SLC25A26: variants seen among roughly 807,000 people sequenced by gnomAD.
SLC25A26 encodes the protein solute carrier family 25 member 26, also known as mitochondrial S-adenosylmethionine carrier protein.
SLC25A26 carries 36 observed loss-of-function variants against 37.8 expected under a neutral mutation model. The ratio of observed to expected loss-of-function variants is 0.95; its 90% CI spans 0.73 to 1.26. The LOEUF (loss-of-function observed/expected upper bound fraction) is 1.26. Among genes scored for constraint, SLC25A26 ranks in the 50% most tolerant of loss-of-function variants. SLC25A26 has a pLI of 0.00. For synonymous variants in SLC25A26, 129 were observed against 122.5 expected, an observed-to-expected ratio of 1.05 and a Z score of -0.35; for missense variants, 390 against 331.1, an observed-to-expected ratio of 1.18 and a Z score of -1.38.
At chr3:66,331,425 T>A (rs770572940) in intron 5 of SLC25A26, among the ~76,000 whole-genome samples, 1 of 152,206 alleles carries the variant, frequency 6.6e-6, no homozygotes, top group Non-Finnish European at 1.5e-5. Context: ...AAAAATCCCA[T>A]TTAGTCATTT....
chr3:66,181,936 G>A (rs1411393999), intron 1 of SLC25A26, among the ~76,000 whole-genome samples: 7 of 152,020 alleles, frequency 4.6e-5, no homozygotes, highest in South Asian at 4.2e-4. Flanking sequence ...GCCTGGGAGC[G>A]TGCCCGTGTG....
chr3:66,184,605 A>ATGTATTACATGCTCACCTTGAGTTTACTG lies in SLC25A26; in HGVS notation c.-353-36122_-353-36121insCCTTGAGTTTACTGTGTATTACATGCTCA, dbSNP rs2070785707. On this transcript the variant is annotated intron_variant, in intron 1 of 10. Coordinates refer to the SLC25A26 transcript ENST00000676754. ...TGACTCTGCTCACCTTGAGTTTACT[A>ATGTATTACATGCTCACCTTGAGTTTACTG]TGTATTACATGCTCAACCAAATCCT... Among the ~76,000 whole-genome samples the ATGTATTACATGCTCACCTTGAGTTTACTG allele has an allele frequency of 1.7e-4, 25 of 149,032 alleles. 1 individual carries two copies. Among genetic ancestry groups the ATGTATTACATGCTCACCTTGAGTTTACTG allele is most frequent in the Non-Finnish European group, 2.1e-4 (14 of 66,866 alleles).
intron 5 of SLC25A26, among the ~76,000 whole-genome samples, chr3:66,304,277 G>A (rs1197766844): frequency 3.3e-5 from 5 of 152,258 alleles, no homozygotes; most frequent in East Asian, 3.9e-4. Context: ...TATACAGGGC[G>A]GGTACATCAG....
chr3:66,176,948 C>T (rs550916315), intron 1 of SLC25A26, among the ~76,000 whole-genome samples: 2 of 152,280 alleles, frequency 1.3e-5, no homozygotes, highest in African/African-American at 2.4e-5. Flanking sequence ...AGCCTGTTAT[C>T]CTGATGATAA....
intron 1 of SLC25A26, among the ~76,000 whole-genome samples, chr3:66,214,020 A>G (rs2071323935): frequency 1.3e-5 from 2 of 152,236 alleles, no homozygotes. Flanking sequence ...AAAAATCCCC[A>G]GAAATGTCAG....
At chr3:66,292,597 C>T (rs1254181113) in intron 5 of SLC25A26, among the ~76,000 whole-genome samples, 1 of 152,090 alleles carries the variant, frequency 6.6e-6, no homozygotes. Context: ...GTTGAAAATT[C>T]TTTTAAGAAT....
At chr3:66,180,613 G>A (rs2070684478) in intron 1 of SLC25A26, among the ~76,000 whole-genome samples, 1 of 152,172 alleles carries the variant, frequency 6.6e-6, no homozygotes, top group Admixed American at 6.5e-5. Flanking sequence ...TGGCATTATG[G>A]GAGAGCAAGT....
chr3:66,356,263 C>G (rs1559733760), intron 6 of SLC25A26, among the ~76,000 whole-genome samples: 1 of 152,110 alleles, frequency 6.6e-6, no homozygotes, highest in South Asian at 2.1e-4. Flanking sequence ...AGTATTGTGC[C>G]TGGTGTTGGC....
chr3:66,346,466 TG>T (rs2076326040), intron 6 of SLC25A26, 58 bp downstream of exon 6: 1 of 912,792 alleles, frequency 1.1e-6, no homozygotes, highest in Non-Finnish European at 1.6e-6. Flanking sequence ...CCTAATAGTT[TG>T]AGTGTGGAAG....
At chr3:66,363,932 A>G (rs927925071) in intron 7 of SLC25A26, among the ~76,000 whole-genome samples, 1 of 151,770 alleles carries the variant, frequency 6.6e-6, no homozygotes, top group African/African-American at 2.4e-5. Flanking sequence ...CACATGACAC[A>G]TAGTCATTAG....
intron 3 of SLC25A26, among the ~76,000 whole-genome samples, chr3:66,252,904 T>TA (rs938041044): frequency 6.6e-5 from 10 of 151,944 alleles, no homozygotes; most frequent in African/African-American, 2.4e-4. Flanking sequence ...ATGTAGTATT[T>TA]AAAAAATGGC....
chr3:66,363,265 CAG>C (rs1473157974), intron 7 of SLC25A26, among the ~76,000 whole-genome samples: 1 of 152,218 alleles, frequency 6.6e-6, no homozygotes, highest in Non-Finnish European at 1.5e-5. Flanking sequence ...GCTCACCATG[CAG>C]CTGTCTGCCT....
At chr3:66,234,289 C>T (rs556580865) in intron 1 of SLC25A26, among the ~76,000 whole-genome samples, 1 of 152,182 alleles carries the variant, frequency 6.6e-6, no homozygotes, top group Admixed American at 6.5e-5. Context: ...AATCCTGAAA[C>T]AAGAATTAAG....
At chr3:66,219,063 A>G (rs1032081535), upstream of SLC25A26, among the ~76,000 whole-genome samples, 259 of 152,336 alleles carry the variant, frequency 1.7e-3, no homozygotes, top group African/African-American at 5.6e-3. Flanking sequence ...GACAAATAAT[A>G]CAGATTTTGG....
chr3:66,177,325 A>G (rs143522436), intron 1 of SLC25A26, among the ~76,000 whole-genome samples: 201 of 152,396 alleles, frequency 1.3e-3, no homozygotes, highest in African/African-American at 4.4e-3. Context: ...GACAATGACA[A>G]GTAACAAGAA....
At chr3:66,170,595 T>C (rs1009556060) in intron 1 of SLC25A26, among the ~76,000 whole-genome samples, 1 of 152,080 alleles carries the variant, frequency 6.6e-6, no homozygotes, top group Non-Finnish European at 1.5e-5. Flanking sequence ...TAAGAATCAT[T>C]GCCATTTTAT....
At chr3:66,250,267 T>C (rs2073029481) in intron 3 of SLC25A26, among the ~76,000 whole-genome samples, 1 of 152,230 alleles carries the variant, frequency 6.6e-6, no homozygotes, top group Non-Finnish European at 1.5e-5. Context: ...TGGATTTAGA[T>C]CTGAAGTTCC....
intron 5 of SLC25A26, among the ~76,000 whole-genome samples, chr3:66,318,183 G>GATAC (rs2075592496): frequency 6.6e-6 from 1 of 152,164 alleles, no homozygotes; most frequent in Non-Finnish European, 1.5e-5. Flanking sequence ...CCTCGCTGGG[G>GATAC]TTCCCAGAGC....
At chr3:66,234,302 G>C (rs1468488960) in intron 1 of SLC25A26, among the ~76,000 whole-genome samples, 1 of 152,200 alleles carries the variant, frequency 6.6e-6, no homozygotes, top group African/African-American at 2.4e-5. Context: ...GAATTAAGAA[G>C]AGTTTTGACA....
Sources: gnomAD v4.1 joint callset for allele counts (sites outside exome capture counted in the v4.1 genomes callset) on GRCh38, gnomAD v4.1.1 for gene constraint, MANE v1.5 for transcripts, NCBI Gene and HGNC (gene_info 2026-07-23, HGNC 2026-07-21) for gene names.